The following CDH4 variants were observed in gnomAD, a reference collection of about 807,000 sequenced individuals.
The protein encoded by CDH4 is cadherin 4.
Under a neutral mutation model 86.0 loss-of-function variants are expected in CDH4, and 33 were observed. That is an observed-to-expected ratio of 0.38 (90% CI 0.29 to 0.51). The LOEUF (loss-of-function observed/expected upper bound fraction) is 0.51, where lower values mean the gene tolerates loss of function less well. Among genes scored for constraint, CDH4 ranks in the 20% least tolerant of loss-of-function variants. The pLI is 0.86. For missense variants in CDH4, 1,114 were observed against 1,307.4 expected, an observed-to-expected ratio of 0.85 and a Z score of 2.28; for synonymous variants, 555 against 549.4, an observed-to-expected ratio of 1.01 and a Z score of -0.14.
At chr20:61,529,165 T>G (rs999158821) in intron 2 of CDH4, among the ~76,000 whole-genome samples, 2 of 152,212 alleles carry the variant, frequency 1.3e-5, no homozygotes, top group African/African-American at 4.8e-5. Context: ...TCAAGATCCT[T>G]TTTGATTGTG....
chr20:61,836,623 A>G (rs1290036020), intron 4 of CDH4, among the ~76,000 whole-genome samples: 3 of 152,242 alleles, frequency 2.0e-5, no homozygotes, highest in Non-Finnish European at 2.9e-5. Context: ...AAATACAAAC[A>G]TCTTCAAACC....
At chr20:61,682,783 C>G (rs2087531675) in intron 2 of CDH4, among the ~76,000 whole-genome samples, 1 of 152,070 alleles carries the variant, frequency 6.6e-6, no homozygotes, top group Non-Finnish European at 1.5e-5. Context: ...CAAGGTGATT[C>G]TAATCTGTGG....
At chr20:61,804,610 G>A (rs1980027437) in intron 4 of CDH4, among the ~76,000 whole-genome samples, 1 of 152,224 alleles carries the variant, frequency 6.6e-6, no homozygotes, top group Non-Finnish European at 1.5e-5. Flanking sequence ...TGTCTCCTCT[G>A]TGGACCTGCC....
At chr20:61,521,531 C>T (rs916037140) in intron 2 of CDH4, among the ~76,000 whole-genome samples, 4 of 152,178 alleles carry the variant, frequency 2.6e-5, no homozygotes, top group African/African-American at 9.7e-5. Flanking sequence ...CACTCACTCT[C>T]CAGGGGGCCG....
chr20:61,308,362 T>TTTCATGCTGA (rs1254307618), intron 2 of CDH4, among the ~76,000 whole-genome samples: 1 of 152,222 alleles, frequency 6.6e-6, no homozygotes, highest in Non-Finnish European at 1.5e-5. Context: ...GTGGACTTAG[T>TTTCATGCTGA]TTCATGCTGA....
At chr20:61,867,445 G>A (rs376482883) in intron 6 of CDH4, among the ~76,000 whole-genome samples, 1 of 152,060 alleles carries the variant, frequency 6.6e-6, no homozygotes, top group Non-Finnish European at 1.5e-5. Flanking sequence ...AGCTACTTGG[G>A]AGGCTGAGGC....
chr20:61,277,335 G>A (rs1463972329), intron 2 of CDH4, among the ~76,000 whole-genome samples: 4 of 152,130 alleles, frequency 2.6e-5, no homozygotes, highest in African/African-American at 9.7e-5. Context: ...ACTCTCTTCT[G>A]CGTCTTCCTA....
At chr20:61,254,756 C>A in intron 1 of CDH4, 70 bp from the exon 2 acceptor site, 1 of 1,021,510 alleles carries the variant, frequency 9.8e-7, no homozygotes, top group Non-Finnish European at 1.6e-6. Flanking sequence ...ACAGCAGGCC[C>A]TGGATGAATG....
At chr20:61,334,248 G>C (rs1171248004) in intron 2 of CDH4, among the ~76,000 whole-genome samples, 2 of 152,204 alleles carry the variant, frequency 1.3e-5, no homozygotes, top group African/African-American at 4.8e-5. Flanking sequence ...CTGAAATGAG[G>C]CTCATGGAGT....
chr20:61,705,050 C>G (rs2087815081), intron 2 of CDH4, among the ~76,000 whole-genome samples: 3 of 152,212 alleles, frequency 2.0e-5, no homozygotes, highest in African/African-American at 7.2e-5. Flanking sequence ...AGCACACAGT[C>G]CTTCTGCACC....
chr20:61,581,055 G>T (rs2086424338), intron 2 of CDH4, among the ~76,000 whole-genome samples: 1 of 152,206 alleles, frequency 6.6e-6, no homozygotes, highest in African/African-American at 2.4e-5. Flanking sequence ...ACTGGAGCCA[G>T]GGTTCTGGCC....
At chr20:61,696,452 G>C (rs2087715745) in intron 2 of CDH4, among the ~76,000 whole-genome samples, 1 of 152,236 alleles carries the variant, frequency 6.6e-6, no homozygotes, top group African/African-American at 2.4e-5. Context: ...GTCAAGACTA[G>C]CACTGGCTGA....
chr20:61,279,843 G>C (rs903189733), intron 2 of CDH4, among the ~76,000 whole-genome samples: 3 of 152,188 alleles, frequency 2.0e-5, no homozygotes, highest in African/African-American at 7.2e-5. Flanking sequence ...GCTGTTGTGA[G>C]TAACGGGGTG....
intron 2 of CDH4, among the ~76,000 whole-genome samples, chr20:61,304,410 C>T (rs767853007): frequency 6.6e-6 from 1 of 152,084 alleles, no homozygotes; most frequent in Non-Finnish European, 1.5e-5. Flanking sequence ...CATTGTATTG[C>T]TTCATAATGG....
intron 2 of CDH4, among the ~76,000 whole-genome samples, chr20:61,541,470 T>C (rs1318591841): frequency 6.6e-6 from 1 of 152,222 alleles, no homozygotes; most frequent in African/African-American, 2.4e-5. Context: ...AAATATTGAA[T>C]AGAGCTCTGA....
At chr20:61,556,372 A>G (rs1168033883) in intron 2 of CDH4, among the ~76,000 whole-genome samples, 1 of 152,108 alleles carries the variant, frequency 6.6e-6, no homozygotes, top group Non-Finnish European at 1.5e-5. Flanking sequence ...TCCGGGGGGC[A>G]GGGGTGGAGA....
At chr20:61,460,666 G>A (rs1337056336) in intron 2 of CDH4, among the ~76,000 whole-genome samples, 1 of 152,210 alleles carries the variant, frequency 6.6e-6, no homozygotes, top group Non-Finnish European at 1.5e-5. Flanking sequence ...GAAACATGTT[G>A]AGTGGGTGTC....
chr20:61,358,756 A>G (rs913312408), intron 2 of CDH4, among the ~76,000 whole-genome samples: 7 of 152,206 alleles, frequency 4.6e-5, no homozygotes, highest in African/African-American at 7.2e-5. Context: ...GATCCCGGCC[A>G]GGGTCTCAGA....
intron 3 of CDH4, among the ~76,000 whole-genome samples, chr20:61,767,619 T>G (rs1365315963): frequency 6.6e-6 from 1 of 152,038 alleles, no homozygotes; most frequent in Non-Finnish European, 1.5e-5. Flanking sequence ...AGTGGGCGCT[T>G]TGGGCCGCTC....
Sources: allele counts gnomAD v4.1 joint callset (sites outside exome capture counted in the v4.1 genomes callset), GRCh38; gene constraint gnomAD v4.1.1; transcripts MANE v1.5; gene names NCBI Gene and HGNC (gene_info 2026-07-23, HGNC 2026-07-21).